Variants in GXYLT2 observed in about 807,000 individuals in gnomAD.
GXYLT2 encodes the protein glucoside xylosyltransferase 2, also known as glycosyltransferase 8 domain containing 4.
Under a neutral mutation model 45.8 loss-of-function variants are expected in GXYLT2, and 53 were observed. That is an observed-to-expected ratio of 1.16 (90% CI 0.93 to 1.46). The LOEUF is 1.46. Among genes scored for constraint, GXYLT2 ranks in the 40% most tolerant of loss-of-function variants. GXYLT2 has a pLI of 0.00. For synonymous variants in GXYLT2, 219 were observed against 214.2 expected, an observed-to-expected ratio of 1.02 and a Z score of -0.19; for missense variants, 551 against 544.4, an observed-to-expected ratio of 1.01 and a Z score of -0.12.
At chr3:72,958,982 T>A (rs1047787273) in intron 5 of GXYLT2, among the ~76,000 whole-genome samples, 3 of 150,154 alleles carry the variant, frequency 2.0e-5, no homozygotes, top group African/African-American at 7.4e-5. Context: ...TCACTCTGTC[T>A]TGCAGGCTGG....
At chr3:72,955,490 T>C (rs186400553) in intron 4 of GXYLT2, 141 bp downstream of exon 4, 110 of 680,378 alleles carry the variant, frequency 1.6e-4, no homozygotes, top group Admixed American at 1.1e-3. Context: ...GAAAAGTATT[T>C]AGAAAATTAT....
At chr3:72,916,816 C>G (rs1228665783) in intron 2 of GXYLT2, among the ~76,000 whole-genome samples, 2 of 151,580 alleles carry the variant, frequency 1.3e-5, no homozygotes, top group African/African-American at 4.9e-5. Flanking sequence ...GCCACCTCGC[C>G]CAGCCGCAGT....
At chr3:72,972,495 G>A (rs1057350163) in intron 6 of GXYLT2, among the ~76,000 whole-genome samples, 3 of 151,792 alleles carry the variant, frequency 2.0e-5, no homozygotes, top group Non-Finnish European at 4.4e-5. Context: ...ACAGAAATCA[G>A]CCGGGCGTGG....
intron 2 of GXYLT2, among the ~76,000 whole-genome samples, chr3:72,913,630 G>T (rs1430189064): frequency 1.3e-5 from 2 of 152,066 alleles, no homozygotes; most frequent in Non-Finnish European, 2.9e-5. Context: ...GGGAGGTGGA[G>T]GTTGCAGTGA....
intron 3 of GXYLT2, among the ~76,000 whole-genome samples, chr3:72,923,097 A>G (rs1277423128): frequency 6.6e-6 from 1 of 152,164 alleles, no homozygotes; most frequent in East Asian, 1.9e-4. Context: ...TCTACTAAAA[A>G]TACAAAAATT....
chr3:72,951,985 G>C (rs951153384), intron 3 of GXYLT2, among the ~76,000 whole-genome samples: 1 of 146,960 alleles, frequency 6.8e-6, no homozygotes, highest in Non-Finnish European at 1.5e-5. Context: ...GGAATTATAG[G>C]CACGTGACAC....
intron 1 of GXYLT2, among the ~76,000 whole-genome samples, chr3:72,898,354 G>A (rs773742889): frequency 6.6e-5 from 10 of 151,996 alleles, no homozygotes; most frequent in Non-Finnish European, 1.2e-4. Context: ...CTTCTCCCTC[G>A]TATGTCAACA....
chr3:72,888,834 G>A (rs1709121165), intron 1 of GXYLT2, among the ~76,000 whole-genome samples: 1 of 152,112 alleles, frequency 6.6e-6, no homozygotes, highest in South Asian at 2.1e-4. Context: ...AAGCCATCAC[G>A]GTGCAAGAAT....
At chr3:72,915,178 G>C (rs933230951) in intron 2 of GXYLT2, among the ~76,000 whole-genome samples, 1 of 151,768 alleles carries the variant, frequency 6.6e-6, no homozygotes, top group Admixed American at 6.6e-5. Context: ...GTTTTATTGC[G>C]AGCAACCTAG....
At chr3:72,913,144 T>C (rs1436106830) in intron 2 of GXYLT2, among the ~76,000 whole-genome samples, 2 of 151,188 alleles carry the variant, frequency 1.3e-5, no homozygotes, top group African/African-American at 4.9e-5. Context: ...TTCACGCCAT[T>C]CTCCTGCCTC....
chr3:72,908,888 C>T (rs968817259), intron 2 of GXYLT2, among the ~76,000 whole-genome samples: 2 of 152,060 alleles, frequency 1.3e-5, no homozygotes, highest in African/African-American at 4.8e-5. Context: ...CAGGCATGCA[C>T]CACCATGTCT....
intron 3 of GXYLT2, chr3:72,929,715 G>C (rs1158595137): frequency 3.4e-6 from 2 of 584,140 alleles, no homozygotes; most frequent in African/African-American, 3.7e-5. Context: ...CCAGAAAAAA[G>C]AAAATATTCA....
At chr3:72,893,756 G>A (rs1238896515) in intron 1 of GXYLT2, among the ~76,000 whole-genome samples, 1 of 152,098 alleles carries the variant, frequency 6.6e-6, no homozygotes, top group African/African-American at 2.4e-5. Flanking sequence ...CCCTTTCGAA[G>A]AATAGTGAGG....
At chr3:72,912,804 T>G (rs1199554217) in intron 2 of GXYLT2, among the ~76,000 whole-genome samples, 1 of 152,214 alleles carries the variant, frequency 6.6e-6, no homozygotes, top group East Asian at 1.9e-4. Flanking sequence ...TGTCCCCTCC[T>G]CTGCCTTGTC....
intron 1 of GXYLT2, among the ~76,000 whole-genome samples, chr3:72,901,998 A>G (rs1380923681): frequency 1.3e-5 from 2 of 152,148 alleles, no homozygotes; most frequent in African/African-American, 4.8e-5. Context: ...ATGTTGTAGC[A>G]TGCATCGTTA....
At chr3:72,892,238 G>A (rs1709197093) in intron 1 of GXYLT2, among the ~76,000 whole-genome samples, 1 of 152,186 alleles carries the variant, frequency 6.6e-6, no homozygotes, top group Non-Finnish European at 1.5e-5. Flanking sequence ...AATGGTTATT[G>A]CATGGCCCTT....
At chr3:72,972,111 CTTTCTCTCTA>C (rs1468186130) in intron 6 of GXYLT2, among the ~76,000 whole-genome samples, 4 of 151,988 alleles carry the variant, frequency 2.6e-5, no homozygotes, top group African/African-American at 4.8e-5. Flanking sequence ...TATTCTCTCT[CTTTCTCTCTA>C]TTTCTCTCTC....
chr3:72,966,038 G>A (rs1441372935), intron 5 of GXYLT2, among the ~76,000 whole-genome samples: 1 of 152,110 alleles, frequency 6.6e-6, no homozygotes, highest in African/African-American at 2.4e-5. Flanking sequence ...CTGGAGTGCA[G>A]TGTGTGATCT....
chr3:72,888,177 C>G lies in GXYLT2; in HGVS notation c.-57C>G, dbSNP rs1709100910. The G allele has an allele frequency of 3.4e-5, 33 of 980,422 alleles. No homozygotes were observed. Among genetic ancestry groups the G allele is most frequent in the Non-Finnish European group, 3.9e-5 (32 of 827,266 alleles). The allele number at this position is 980,422 out of a possible 1,614,324, so 60.7% of individuals were successfully genotyped here. ...GCTGCTGCACTCATCCTGCCGCCGC[C>G]GCGATGCGCAGAGGGGCCGAGCCGC... is the stretch of plus-strand genomic sequence containing the variant. On this transcript the variant is annotated 5_prime_UTR_variant, in exon 1 of 7. Coordinates refer to ENST00000389617, the MANE Select transcript of GXYLT2 (RefSeq NM_001080393.2).
Sources: gnomAD v4.1 joint callset for allele counts (sites outside exome capture counted in the v4.1 genomes callset) on GRCh38, gnomAD v4.1.1 for gene constraint, MANE v1.5 for transcripts, NCBI Gene and HGNC (gene_info 2026-07-23, HGNC 2026-07-21) for gene names.